The following LRMDA variants were observed in gnomAD, a reference collection of about 807,000 sequenced individuals.
LRMDA encodes the protein leucine-rich melanocyte differentiation-associated protein.
Under a neutral mutation model 29.8 loss-of-function variants are expected in LRMDA, and 18 were observed. The ratio of observed to expected loss-of-function variants is 0.60; its 90% CI spans 0.42 to 0.90. The LOEUF is 0.90. Among genes scored for constraint, LRMDA ranks in the 40% least tolerant of loss-of-function variants. The pLI is 0.00. For synonymous variants in LRMDA, 125 were observed against 109.4 expected (o/e 1.14, Z -0.89); for missense variants, 273 against 273.9 (o/e 1.00, Z 0.02).
chr10:76,399,624 G>A (rs113725587), intron 6 of LRMDA, among the ~76,000 whole-genome samples: 3,353 of 152,244 alleles, frequency 0.022, 72 homozygotes, highest in African/African-American at 0.061. Context: ...CTAGGATCTC[G>A]AATTCAGTAC....
chr10:76,532,803 G>A lies in LRMDA; in HGVS notation c.602-24406G>A, dbSNP rs533814185. On this transcript the variant is annotated intron_variant, in intron 6 of 6. Transcript: ENST00000611255. ...TCCTAGGGTTAGAACCTTTACTTTA[G>A]GAATGCATTGTTTTCTTCTTTTGAT... Among the ~76,000 whole-genome samples, 8 of 152,188 alleles carry A rather than the reference G, an allele frequency of 5.3e-5. No homozygotes were observed. In the East Asian group the frequency reaches 1.5e-3, roughly 29 times the overall value.
At position 75,665,221 on chromosome 10, in the gene LRMDA, G is replaced by C. The variant is rs1017912592; in HGVS notation, c.131+226727G>C. ...TTCTGTTGTCAGCGGTAGAATTCTGGCCTTTTAGAATTTGAAGTGACTTTT... is the reference window on the plus strand; with the variant it reads ...TTCTGTTGTCAGCGGTAGAATTCTGCCCTTTTAGAATTTGAAGTGACTTTT... On this transcript the variant is annotated intron_variant, in intron 2 of 6. Transcript: ENST00000611255. Among the ~76,000 whole-genome samples the C allele has an allele frequency of 3.9e-5, 6 of 152,132 alleles. 1 individual carries two copies.
At chr10:76,556,536 G>A (rs1292410732) in intron 6 of LRMDA, 1 of 152,104 alleles carries the variant, frequency 6.6e-6, no homozygotes, top group Non-Finnish European at 1.5e-5. Context: ...AATATTTTTA[G>A]TAGAGACGGA....
chr10:76,486,400 C>A (rs1434086065), intron 6 of LRMDA, among the ~76,000 whole-genome samples: 1 of 151,850 alleles, frequency 6.6e-6, no homozygotes, highest in Non-Finnish European at 1.5e-5. Context: ...ACCTTCACTG[C>A]GGTGGTTTTT....
rs762906400 is a variant in LRMDA at position 76,423,402 on chromosome 10, T to TAATAA, written c.601+98934_601+98938dup. Among the ~76,000 whole-genome samples the TAATAA allele has an allele frequency of 2.0e-4, 31 of 152,110 alleles. 1 individual carries two copies. In the East Asian group the frequency reaches 3.3e-3, roughly 16 times the overall value. ...GAGTGAGACTCTGTCTCAAAAATAG[T>TAATAA]AATAAAATAAAATAAAATAAAGCTG... On this transcript the variant is annotated intron_variant, in intron 6 of 6. Coordinates refer to ENST00000611255, the MANE Select transcript of LRMDA (RefSeq NM_001305581.2).
chr10:76,170,207 C>T (rs1462488465), intron 5 of LRMDA, among the ~76,000 whole-genome samples: 9 of 152,284 alleles, frequency 5.9e-5, no homozygotes, highest in Admixed American at 2.0e-4. Flanking sequence ...ACTGGCCGCT[C>T]AATGTGTTTT....
intron 2 of LRMDA, among the ~76,000 whole-genome samples, chr10:75,905,564 A>T (rs1845745288): frequency 6.6e-6 from 1 of 152,086 alleles, no homozygotes; most frequent in Non-Finnish European, 1.5e-5. Context: ...AGTCTGTCAA[A>T]ATGTTAAAAA....
intron 5 of LRMDA, among the ~76,000 whole-genome samples, chr10:76,176,375 A>G (rs946978676): frequency 6.6e-6 from 1 of 152,246 alleles, no homozygotes; most frequent in Non-Finnish European, 1.5e-5. Flanking sequence ...ATAGAAGGGC[A>G]GCTTCAACTG....
At chr10:76,144,410 C>T (rs1037959422) in intron 5 of LRMDA, among the ~76,000 whole-genome samples, 20 of 151,982 alleles carry the variant, frequency 1.3e-4, no homozygotes, top group African/African-American at 4.8e-4. Flanking sequence ...TCCTTCACAT[C>T]CCTTGTAAGT....
At chr10:76,263,687 A>G (rs1427775619) in intron 5 of LRMDA, among the ~76,000 whole-genome samples, 1 of 152,214 alleles carries the variant, frequency 6.6e-6, no homozygotes, top group Non-Finnish European at 1.5e-5. Context: ...CTCAAGTGGA[A>G]GAATACTGTG....
chr10:75,919,687 AG>A (rs1845995911), intron 2 of LRMDA, among the ~76,000 whole-genome samples: 1 of 152,176 alleles, frequency 6.6e-6, no homozygotes, highest in African/African-American at 2.4e-5. Flanking sequence ...TGAAATCTTT[AG>A]GCATTCTGTA....
intron 2 of LRMDA, among the ~76,000 whole-genome samples, chr10:75,817,190 A>G (rs1844075593): frequency 6.6e-6 from 1 of 152,196 alleles, no homozygotes; most frequent in Non-Finnish European, 1.5e-5. Flanking sequence ...TGTCTTTTAG[A>G]TTCTCCTGCT....
chr10:75,666,068 T>C (rs1841817918), intron 2 of LRMDA, among the ~76,000 whole-genome samples: 1 of 152,212 alleles, frequency 6.6e-6, no homozygotes, highest in African/African-American at 2.4e-5. Flanking sequence ...GTAAGAATTA[T>C]GATTTTACCT....
chr10:76,494,614 T>C (rs930805909), intron 6 of LRMDA, among the ~76,000 whole-genome samples: 1 of 151,758 alleles, frequency 6.6e-6, no homozygotes, highest in African/African-American at 2.4e-5. Context: ...CTATTATGGA[T>C]CTTTGTTCTT....
In LRMDA at chr10:75,973,021, A is replaced by ACAGCAGCAGCAGCAGCAGCAG. The variant is rs3042539; in HGVS notation, c.132-62955_132-62935dup. On this transcript the variant is annotated intron_variant, in intron 2 of 6. Transcript: ENST00000611255. ...CTTTCAGGACAAAACCACTTTAACA[A>ACAGCAGCAGCAGCAGCAGCAG]CAGCAGCAGCAGCAGCAGCAGCAGC... Among the ~76,000 whole-genome samples, 690 of 148,964 alleles carry ACAGCAGCAGCAGCAGCAGCAG rather than the reference A, an allele frequency of 4.6e-3. 5 individuals carry two copies. The highest frequency in any genetic ancestry group is 0.014 in the Middle Eastern group (4 of 292).
chr10:75,565,410 G>C (rs1488718305), intron 2 of LRMDA, among the ~76,000 whole-genome samples: 1 of 152,200 alleles, frequency 6.6e-6, no homozygotes, highest in Admixed American at 6.5e-5. Context: ...GTTGCTCTTG[G>C]CCTCTTAATT....
intron 5 of LRMDA, among the ~76,000 whole-genome samples, chr10:76,067,103 G>A (rs1360294834): frequency 1.3e-5 from 2 of 152,212 alleles, no homozygotes; most frequent in African/African-American, 4.8e-5. Flanking sequence ...TCTGGGACAA[G>A]GAGACAGCTG....
intron 2 of LRMDA, among the ~76,000 whole-genome samples, chr10:75,584,142 C>T (rs1238101847): frequency 6.6e-6 from 1 of 152,200 alleles, no homozygotes; most frequent in Non-Finnish European, 1.5e-5. Context: ...CAGCTAGCCC[C>T]TTCCCCTGCC....
At chr10:76,358,250 G>A (rs957403251) in intron 6 of LRMDA, among the ~76,000 whole-genome samples, 25 of 152,152 alleles carry the variant, frequency 1.6e-4, no homozygotes, top group African/African-American at 6.0e-4. Context: ...GCAATGGAAC[G>A]TTCATTCACC....
Sources: gnomAD v4.1 joint callset for allele counts (sites outside exome capture counted in the v4.1 genomes callset) on GRCh38, gnomAD v4.1.1 for gene constraint, MANE v1.5 for transcripts, NCBI Gene and HGNC (gene_info 2026-07-23, HGNC 2026-07-21) for gene names.